Variants in XYLT1 observed in about 807,000 individuals in gnomAD.
XYLT1 encodes beta-D-xylosyltransferase 1.
A neutral mutation model predicts 91.3 loss-of-function variants in XYLT1; 36 were observed. The ratio of observed to expected loss-of-function variants is 0.39; its 90% CI spans 0.30 to 0.52. The LOEUF (loss-of-function observed/expected upper bound fraction) is 0.52, where lower values mean the gene tolerates loss of function less well. Among genes scored for constraint, XYLT1 ranks in the 20% least tolerant of loss-of-function variants. XYLT1 has a pLI of 0.68. For missense variants in XYLT1, 1,242 were observed against 1,284.5 expected (o/e 0.97, Z 0.51); for synonymous variants, 588 against 532.0 (o/e 1.11, Z -1.45).
At chr16:17,167,728 G>A (rs1170481198) in intron 5 of XYLT1, among the ~76,000 whole-genome samples, 3 of 151,772 alleles carry the variant, frequency 2.0e-5, no homozygotes, top group Non-Finnish European at 2.9e-5. Flanking sequence ...TCTCGTGAAT[G>A]GATTCTAACC....
Position 17,108,561 on chromosome 16 carries a change from C to T in XYLT1, c.*134G>A. ...CTTTGACCTGCTGACCTTCCCTTTCCATCATTCTATGGCCAGGAGAGACCC... is the reference window on the plus strand; with the variant it reads ...CTTTGACCTGCTGACCTTCCCTTTCTATCATTCTATGGCCAGGAGAGACCC... On this transcript the variant is annotated 3_prime_UTR_variant, in exon 12 of 12. Transcript: ENST00000261381. 2 of 908,134 alleles carry T rather than the reference C, an allele frequency of 2.2e-6. No homozygotes were observed. The highest frequency in any genetic ancestry group is 3.2e-6 in the Non-Finnish European group (2 of 632,932). 56.3% of individuals were successfully genotyped at this position (908,134 alleles called of 1,614,324 possible).
At chr16:17,191,263 T>C (rs191459739) in intron 5 of XYLT1, among the ~76,000 whole-genome samples, 1 of 152,314 alleles carries the variant, frequency 6.6e-6, no homozygotes, top group East Asian at 1.9e-4. Flanking sequence ...TTTGCTGTGG[T>C]TGCTGTGCGG....
intron 2 of XYLT1, among the ~76,000 whole-genome samples, chr16:17,267,409 CTTTTG>C (rs997250932): frequency 6.6e-6 from 1 of 152,158 alleles, no homozygotes; most frequent in African/African-American, 2.4e-5. Context: ...AAGTCTGAGT[CTTTTG>C]TTTGTTTGTT....
At chr16:17,340,654 G>T (rs1035443569) in intron 2 of XYLT1, among the ~76,000 whole-genome samples, 6 of 152,230 alleles carry the variant, frequency 3.9e-5, no homozygotes, top group African/African-American at 1.4e-4. Flanking sequence ...CTGTGCCTCA[G>T]TTTTGCTATT....
chr16:17,338,423 A>G (rs2035017714), intron 2 of XYLT1: 1 of 456,384 alleles, frequency 2.2e-6, no homozygotes, highest in South Asian at 1.5e-5. Context: ...CACTTTGGAA[A>G]AGGCTGCAAC....
intron 2 of XYLT1, among the ~76,000 whole-genome samples, chr16:17,282,407 G>C (rs752068628): frequency 6.6e-6 from 1 of 152,210 alleles, no homozygotes; most frequent in Non-Finnish European, 1.5e-5. Context: ...GGGGGAGAAA[G>C]AGGAAAAGCA....
intron 9 of XYLT1, among the ~76,000 whole-genome samples, chr16:17,129,708 T>C (rs1339674625): frequency 6.6e-6 from 1 of 152,174 alleles, no homozygotes; most frequent in Non-Finnish European, 1.5e-5. Context: ...CCTTGAAATA[T>C]GGCCAATGTG....
At chr16:17,195,406 T>C (rs1437730174) in intron 5 of XYLT1, among the ~76,000 whole-genome samples, 2 of 152,094 alleles carry the variant, frequency 1.3e-5, no homozygotes, top group Non-Finnish European at 2.9e-5. Context: ...CTCGAGTTTT[T>C]CTCCACACCC....
At chr16:17,218,365 T>TG (rs2032900865) in intron 3 of XYLT1, among the ~76,000 whole-genome samples, 1 of 151,276 alleles carries the variant, frequency 6.6e-6, no homozygotes, top group Non-Finnish European at 1.5e-5. Flanking sequence ...GACTTTTGTT[T>TG]TTTTTTTTAC....
chr16:17,242,167 T>G (rs915903861), intron 3 of XYLT1, among the ~76,000 whole-genome samples: 1 of 152,206 alleles, frequency 6.6e-6, no homozygotes, highest in African/African-American at 2.4e-5. Flanking sequence ...AGATGAGATT[T>G]GGGTGGGGAC....
chr16:17,454,562 AGT>A (rs2036710822), intron 1 of XYLT1, among the ~76,000 whole-genome samples: 2 of 149,976 alleles, frequency 1.3e-5, no homozygotes, highest in Non-Finnish European at 3.0e-5. Context: ...TTTGAGATAC[AGT>A]GTTACTCTGT....
chr16:17,396,943 T>A (rs2141897256), intron 1 of XYLT1, among the ~76,000 whole-genome samples: 1 of 152,312 alleles, frequency 6.6e-6, no homozygotes, highest in African/African-American at 2.4e-5. Context: ...GCTCGTGGCC[T>A]ATTTTCGCAA....
At chr16:17,321,427 A>G (rs994532285) in intron 2 of XYLT1, among the ~76,000 whole-genome samples, 3 of 123,732 alleles carry the variant, frequency 2.4e-5, no homozygotes, top group African/African-American at 9.5e-5. Flanking sequence ...GCATGACCTC[A>G]GTTCACTGCA....
chr16:17,271,355 GAGAGAGAGACACAGAGAGACAA>G (rs1292442033), intron 2 of XYLT1, among the ~76,000 whole-genome samples: 10 of 151,988 alleles, frequency 6.6e-5, no homozygotes, highest in African/African-American at 1.5e-4. Context: ...AAGACACAGA[GAGAGAGAGACACAGAGAGACAA>G]AGAGAGAGAC....
chr16:17,166,610 C>T (rs547367827), intron 5 of XYLT1, among the ~76,000 whole-genome samples: 8 of 151,684 alleles, frequency 5.3e-5, no homozygotes, highest in South Asian at 2.1e-4. Context: ...CTCCTGGGTT[C>T]GAGAGATTCT....
chr16:17,211,901 C>T (rs1187203980), intron 3 of XYLT1, among the ~76,000 whole-genome samples: 1 of 152,218 alleles, frequency 6.6e-6, no homozygotes, highest in Non-Finnish European at 1.5e-5. Flanking sequence ...CTGTCCTGCG[C>T]ACTGTAGGAT....
At chr16:17,415,776 G>A (rs2036172642) in intron 1 of XYLT1, among the ~76,000 whole-genome samples, 3 of 152,148 alleles carry the variant, frequency 2.0e-5, no homozygotes, top group Admixed American at 2.0e-4. Context: ...AAGCTGCTGT[G>A]GTGAGCAGGA....
At position 17,107,486 on chromosome 16, in the gene XYLT1, A is replaced by G. The variant is rs1966793443; in HGVS notation, c.*1209T>C. The G allele has an allele frequency of 1.3e-5, 2 of 152,628 alleles. No individual in the cohort carries two copies. Among genetic ancestry groups the G allele is most frequent in the South Asian group, 4.1e-4 (2 of 4,824 alleles). The allele number at this position is 152,628 out of a possible 1,614,324, so 9.5% of individuals were successfully genotyped here. A position where few individuals can be genotyped will look rare whatever the true frequency, so the allele number is the denominator to read the frequency against. On this transcript the variant is annotated 3_prime_UTR_variant, in exon 12 of 12. Transcript: ENST00000261381. ...TAAATCATACTGTTTTTTGTTGTTT[A>G]AATAACCTTCCCATTTTTATGTTGC...
At chr16:17,151,915 C>T (rs1432795491) in intron 6 of XYLT1, among the ~76,000 whole-genome samples, 1 of 152,122 alleles carries the variant, frequency 6.6e-6, no homozygotes, top group African/African-American at 2.4e-5. Context: ...GAGTCAGTGG[C>T]CTGAATCCTG....
Sources: gnomAD v4.1 joint callset for allele counts (sites outside exome capture counted in the v4.1 genomes callset) on GRCh38, gnomAD v4.1.1 for gene constraint, MANE v1.5 for transcripts, NCBI Gene and HGNC (gene_info 2026-07-23, HGNC 2026-07-21) for gene names.